TRAP1: variants seen among roughly 807,000 people sequenced by gnomAD.
TRAP1 encodes TNF receptor associated protein 1.
Under a neutral mutation model 89.1 loss-of-function variants are expected in TRAP1, and 102 were observed. The ratio of observed to expected loss-of-function variants is 1.15; its 90% confidence interval spans 0.98 to 1.35. The LOEUF (loss-of-function observed/expected upper bound fraction) is 1.35. Among genes scored for constraint, TRAP1 ranks in the 40% most tolerant of loss-of-function variants. The pLI, the probability that TRAP1 is intolerant of heterozygous loss-of-function variation, is 0.00. For missense variants in TRAP1, 1,256 were observed against 945.3 expected, an observed-to-expected ratio of 1.33 and a Z score of -4.31; for synonymous variants, 508 against 388.0, an observed-to-expected ratio of 1.31 and a Z score of -3.64.
chr16:3,669,314 T>TGA (rs966636758), intron 11 of TRAP1, among the ~76,000 whole-genome samples: 46 of 152,264 alleles, frequency 3.0e-4, no homozygotes, highest in Middle Eastern at 3.4e-3. Flanking sequence ...TGCATCCTGT[T>TGA]GAGGTCAGCA....
At chr16:3,660,995 C>T (rs111828810) in intron 16 of TRAP1, 1 of 152,056 alleles carries the variant, frequency 6.6e-6, no homozygotes, top group Non-Finnish European at 1.5e-5. Flanking sequence ...TTCCTTTTTG[C>T]TGTTTTCTAT....
In TRAP1 at chr16:3,675,918, C is replaced by T. The variant is rs918744218; in HGVS notation, c.814+118G>A. On this transcript the variant is annotated intron_variant, in intron 7 of 17. Coordinates refer to ENST00000246957, the MANE Select transcript of TRAP1 (RefSeq NM_016292.3). ...CCAGTCCCGCAGCGGCTCGGCCCTTCACGGCTCTGCCTGTGCACCCTACGT... is the reference window on the plus strand; with the variant it reads ...CCAGTCCCGCAGCGGCTCGGCCCTTTACGGCTCTGCCTGTGCACCCTACGT... 4.5e-6 allele frequency: 4 copies of T among 893,766 alleles called. No individual in the cohort carries two copies. The East Asian group carries it at 1.0e-4, about 23-fold the overall frequency. The allele number at this position is 893,766 out of a possible 1,614,324, so 55.4% of individuals were successfully genotyped here.
In TRAP1 at chr16:3,677,527, C is replaced by A; in HGVS notation, c.675G>T (p.Gly225=). The A allele has an allele frequency of 6.2e-7, 1 of 1,614,178 alleles. No homozygotes were observed. Residue 225 remains glycine, a synonymous_variant, in exon 6 of 18, where the codon GGG becomes GGT. Coordinates refer to ENST00000246957, the MANE Select transcript of TRAP1 (RefSeq NM_016292.3). ...VEVYSRSAAP[G]SLGYQWLSDG... ...CTGAAAGCCACTGGTAACCCAGGCT[C>A]CCCGGGGCTGCCGAGCGGGAATAGA...
chr16:3,715,256 G>A (rs923813841), intron 1 of TRAP1, among the ~76,000 whole-genome samples: 4 of 152,162 alleles, frequency 2.6e-5, no homozygotes, highest in Non-Finnish European at 4.4e-5. Context: ...GGCTAACAGG[G>A]TGAAACCCCG....
chr16:3,683,141 C>T (rs1487453815), intron 4 of TRAP1, among the ~76,000 whole-genome samples: 1 of 151,378 alleles, frequency 6.6e-6, no homozygotes, highest in Non-Finnish European at 1.5e-5. Context: ...TGCACTCCAG[C>T]GTGGGCAACA....
At chr16:3,683,913 C>A (rs954023515) in intron 4 of TRAP1, among the ~76,000 whole-genome samples, 19 of 152,046 alleles carry the variant, frequency 1.2e-4, no homozygotes, top group Non-Finnish European at 2.8e-4. Flanking sequence ...CGCCTGTAAT[C>A]CCAGCACTTT....
intron 1 of TRAP1, among the ~76,000 whole-genome samples, chr16:3,693,152 T>C (rs887282942): frequency 5.3e-5 from 8 of 151,620 alleles, no homozygotes; most frequent in African/African-American, 1.7e-4. Flanking sequence ...TTTCACCTTA[T>C]TGGTCAGGCT....
chr16:3,697,063 A>G (rs2051297533), intron 1 of TRAP1, among the ~76,000 whole-genome samples: 1 of 152,184 alleles, frequency 6.6e-6, no homozygotes, highest in Non-Finnish European at 1.5e-5. Context: ...GATACTGCCA[A>G]GTCACACTCC....
intron 1 of TRAP1, among the ~76,000 whole-genome samples, chr16:3,717,141 C>T (rs2051608317): frequency 6.6e-6 from 1 of 152,260 alleles, no homozygotes; most frequent in Non-Finnish European, 1.5e-5. Flanking sequence ...GGAGGGACGA[C>T]CCCGCAGCCG....
At position 3,658,147 on chromosome 16, in the gene TRAP1, C is replaced by T; in HGVS notation, c.2097G>A (p.Lys699=). 6.2e-7 allele frequency: 1 copy of T among 1,614,112 alleles called. No homozygotes were observed. Among genetic ancestry groups the T allele is most frequent in the Non-Finnish European group, 8.5e-7 (1 of 1,180,020 alleles). The stretch of plus-strand genomic sequence containing the variant: ...CTGGCTGTCAGTGTCGCTCCAGGGC[C>T]TTGACAAGCAGCTCATTCAAGCGGC... ...MVGRLNELLV[K]ALERH The change falls in exon 18 of 18, where the codon AAG becomes AAA. Residue 699 remains lysine (K), a synonymous_variant. Coordinates refer to ENST00000246957, the MANE Select transcript of TRAP1 (RefSeq NM_016292.3).
rs1206552851 is a variant in TRAP1, at chr16:3,677,486, T to A, written c.704+12A>T. 3 of 1,614,154 alleles carry A rather than the reference T, an allele frequency of 1.9e-6. No individual in the cohort carries two copies. Among genetic ancestry groups the A allele is most frequent in the Non-Finnish European group, 2.5e-6 (3 of 1,180,026 alleles). On this transcript the variant is annotated intron_variant, in intron 6 of 17. Coordinates refer to ENST00000246957, the MANE Select transcript of TRAP1 (RefSeq NM_016292.3). The stretch of plus-strand genomic sequence containing the variant: ...GCTTTGAGCTGCCTGTCAGGCGACA[T>A]TCGTCACTCACCCATCTGAAAGCCA...
intron 1 of TRAP1, among the ~76,000 whole-genome samples, chr16:3,693,986 G>A (rs1282134293): frequency 8.7e-6 from 1 of 114,594 alleles, no homozygotes; most frequent in African/African-American, 3.9e-5. Flanking sequence ...GGGTGAGACA[G>A]CGAGACTCTG....
chr16:3,695,780 C>T (rs1279570000), intron 1 of TRAP1, among the ~76,000 whole-genome samples: 2 of 152,118 alleles, frequency 1.3e-5, no homozygotes, highest in African/African-American at 2.4e-5. Context: ...GTGTCCCCTG[C>T]GGAGTCAGCA....
At chr16:3,716,581 A>T (rs2051600429) in intron 1 of TRAP1, among the ~76,000 whole-genome samples, 1 of 152,182 alleles carries the variant, frequency 6.6e-6, no homozygotes, top group Non-Finnish European at 1.5e-5. Context: ...GAGCGTTAAA[A>T]TTTTCTGAAG....
At chr16:3,664,032 T>C (rs947275138) in intron 13 of TRAP1, 4 of 463,166 alleles carry the variant, frequency 8.6e-6, no homozygotes, top group Non-Finnish European at 1.1e-5. Context: ...CACTGCACTC[T>C]AGCCTGGGCG....
At chr16:3,683,891 C>T (rs181252481) in intron 4 of TRAP1, among the ~76,000 whole-genome samples, 9 of 151,944 alleles carry the variant, frequency 5.9e-5, no homozygotes, top group Admixed American at 1.3e-4. Flanking sequence ...TGAGACTAGG[C>T]GCGGTGGCTC....
At position 3,662,098 on chromosome 16, in the gene TRAP1, A is replaced by C; in HGVS notation, c.1829T>G (p.Val610Gly). The stretch of plus-strand genomic sequence containing the variant: ...GGCAGCCCCCATCTCCAGCACGGTG[A>C]CCATGGCAGGGTGGGTGTCCAGTCG... ...TLRLDTHPAMVTVLEMGAARH... is the reference protein window; with the variant it reads ...TLRLDTHPAMGTVLEMGAARH... Residue 610 changes from valine (V) to glycine (G), a missense_variant, in exon 16 of 18, where the codon GTC (valine) becomes GGC (glycine). Physicochemically the swap from Val to Gly is moderately radical, Grantham distance 109 (BLOSUM62 -3). Coordinates refer to ENST00000246957, the MANE Select transcript of TRAP1 (RefSeq NM_016292.3). 1 of 1,613,190 alleles carries C rather than the reference A, an allele frequency of 6.2e-7. No individual in the cohort carries two copies. The highest frequency in any genetic ancestry group is 8.5e-7 in the Non-Finnish European group (1 of 1,179,832).
rs754378125 is a variant in TRAP1, at chr16:3,674,344, C to T, written c.1039G>A (p.Asp347Asn). 1.5e-5 allele frequency: 24 copies of T among 1,613,770 alleles called. No individual in the cohort carries two copies. The highest frequency in any genetic ancestry group is 1.6e-4 in the Middle Eastern group (1 of 6,082). ...LNIRSIFYVP[D>N]MKPSMFDVSR... ...GGACTGCCACAGTGCCTCACCATGT[C>T]GGGCACGTAGAAGATGCTGCGGATG... is the stretch of plus-strand genomic sequence containing the variant. The change falls in exon 9 of 18, where the codon GAC (aspartate) becomes AAC (asparagine). Residue 347 changes from aspartate to asparagine, a missense_variant. Coordinates refer to ENST00000246957, the MANE Select transcript of TRAP1 (RefSeq NM_016292.3).
rs902344242 is a variant in TRAP1, at chr16:3,682,538, C to T, written c.472-2748G>A. Among the ~76,000 whole-genome samples, 7 of 152,192 alleles carry T rather than the reference C, an allele frequency of 4.6e-5. No homozygotes were observed. The East Asian group carries it at 1.2e-3, about 25-fold the overall frequency. On this transcript the variant is annotated intron_variant, in intron 4 of 17. Transcript: ENST00000246957. ...CCGAGTAGCTGGGACTACCGGCACA[C>T]GCTGCCACACCCAGCTAATTTCTTT...
Sources: allele counts gnomAD v4.1 joint callset (sites outside exome capture counted in the v4.1 genomes callset), GRCh38; gene constraint gnomAD v4.1.1; transcripts MANE v1.5; gene names NCBI Gene and HGNC (gene_info 2026-07-23, HGNC 2026-07-21).